The following NECTIN1 variants were observed in gnomAD, a reference collection of about 807,000 sequenced individuals.
NECTIN1 encodes the protein nectin-1.
A neutral mutation model predicts 48.0 loss-of-function variants in NECTIN1; 23 were observed. The ratio of observed to expected loss-of-function variants is 0.48; its 90% CI spans 0.34 to 0.68. The LOEUF (loss-of-function observed/expected upper bound fraction) is 0.68, where lower values mean the gene tolerates loss of function less well. Among genes scored for constraint, NECTIN1 ranks in the 30% least tolerant of loss-of-function variants. The pLI is 0.01. For missense variants in NECTIN1, 591 were observed against 709.9 expected (o/e 0.83, Z 1.90); for synonymous variants, 270 against 288.9 (o/e 0.93, Z 0.66).
Position 119,677,631 on chromosome 11 carries a change from G to A in NECTIN1, c.657C>T (p.Ala219=). Reference sequence around the variant, plus strand: ...CGATGCAGGCCAAGGACTGCTGGTGGGCTTCCCTGCTGGGCACCAGGCGGT... The same window carrying A: ...CGATGCAGGCCAAGGACTGCTGGTGAGCTTCCCTGCTGGGCACCAGGCGGT... The part of the protein sequence containing the change: ...SRYRLVPSRE[A]HQQSLACIVN... Residue 219 remains alanine (A), a synonymous_variant, in exon 3 of 6, where the codon GCC becomes GCT. Transcript: ENST00000264025. This position sits in a 1 kb window ranked among gnomAD's most constrained non-coding sequence, Gnocchi z 5.4. The A allele has an allele frequency of 6.2e-7, 1 of 1,613,856 alleles. No homozygotes were observed. Among genetic ancestry groups the A allele is most frequent in the Non-Finnish European group, 8.5e-7 (1 of 1,180,020 alleles).
Position 119,665,262 on chromosome 11 carries a change from GC to G in NECTIN1, c.1038del (p.Arg347GlyfsTer22). 6.3e-7 allele frequency: 1 copy of G among 1,596,520 alleles called. No individual in the cohort carries two copies. The highest frequency in any genetic ancestry group is 1.7e-5 in the Admixed American group (1 of 59,800). ...FPYTPSPPEHGRRAGPVPTAI... is the reference protein window; with the variant it reads ...FPYTPSPPEHXRRAGPVPTAI... ...GCCGTGGGCACCGGCCCGGCGCGCC[GC>G]CCATGTTCGGGAGGAGACGGGGTGT... On this transcript the variant is annotated frameshift_variant, in exon 6 of 6. Coordinates refer to ENST00000264025, the MANE Select transcript of NECTIN1 (RefSeq NM_002855.5). LOFTEE classifies it high-confidence loss of function. This position sits in a 1 kb window ranked among gnomAD's most constrained non-coding sequence, Gnocchi z 5.1.
chr11:119,708,525 C>T (rs1287842556), intron 1 of NECTIN1, among the ~76,000 whole-genome samples: 10 of 147,578 alleles, frequency 6.8e-5, no homozygotes, highest in African/African-American at 2.5e-4. Flanking sequence ...CACAAAAGGC[C>T]ACATACTGTA....
intron 1 of NECTIN1, among the ~76,000 whole-genome samples, chr11:119,700,024 C>T (rs987845579): frequency 2.0e-5 from 3 of 152,322 alleles, no homozygotes; most frequent in Admixed American, 1.3e-4. Context: ...ACTGTGGAGC[C>T]GGAACTGTGT....
chr11:119,648,277 ATGGTGGTGGTGATGGTGG>A lies in NECTIN1; in HGVS notation c.1004-8283_1004-8266del, dbSNP rs1283839515. Among the ~76,000 whole-genome samples the A allele has an allele frequency of 4.0e-4, 10 of 25,042 alleles. 1 individual carries two copies. Among genetic ancestry groups the A allele is most frequent in the African/African-American group, 1.2e-3 (6 of 4,848 alleles). 16.4% of individuals were successfully genotyped at this position (25,042 alleles called of 152,430 possible). A position where few individuals can be genotyped will look rare whatever the true frequency, so the allele number is the denominator to read the frequency against. The stretch of plus-strand genomic sequence containing the variant: ...AGAGGTGGTAATAGTGGTGGTGGTG[ATGGTGGTGGTGATGGTGG>A]TGGTGGTGGTGATGGTGGTGATGGT... On this transcript the variant is annotated intron_variant, in intron 5 of 7. Transcript: ENST00000341398.
chr11:119,723,638 C>T (rs143820102), intron 1 of NECTIN1, among the ~76,000 whole-genome samples: 191 of 152,318 alleles, frequency 1.3e-3, no homozygotes, highest in African/African-American at 3.4e-3. Flanking sequence ...ACACTGAGTT[C>T]ATCTCTCCTT....
intron 5 of NECTIN1, among the ~76,000 whole-genome samples, chr11:119,646,352 T>C (rs1266768945): frequency 1.3e-5 from 2 of 152,194 alleles, no homozygotes; most frequent in African/African-American, 4.8e-5. Context: ...ATAGTCAATA[T>C]GTAATACGTG....
At chr11:119,697,209 AG>A (rs1216910038) in intron 1 of NECTIN1, among the ~76,000 whole-genome samples, 1 of 152,058 alleles carries the variant, frequency 6.6e-6, no homozygotes, top group Non-Finnish European at 1.5e-5. Context: ...CAGCCGAGAG[AG>A]GGGGGTAGGG....
chr11:119,638,174 G>C (rs1440287363), exon 8 of NECTIN1: 3 of 1,614,028 alleles, frequency 1.9e-6, no homozygotes, highest in South Asian at 1.1e-5. Flanking sequence ...ATCATAGTAG[G>C]GGGGCTGCAG....
intron 1 of NECTIN1, among the ~76,000 whole-genome samples, chr11:119,715,703 C>A (rs750834959): frequency 6.6e-6 from 1 of 152,042 alleles, no homozygotes; most frequent in South Asian, 2.1e-4. Flanking sequence ...GAATGCAGGC[C>A]CCTGCCTAGT....
At chr11:119,699,949 C>G (rs1865415888) in intron 1 of NECTIN1, among the ~76,000 whole-genome samples, 1 of 152,196 alleles carries the variant, frequency 6.6e-6, no homozygotes, top group Non-Finnish European at 1.5e-5. Flanking sequence ...TCTGTTCCCC[C>G]TCTTAAAGTG....
rs1166075014 is a variant in NECTIN1 at position 119,664,157 on chromosome 11, A to G, written c.*590T>C. ...CTGCCCAAGGCCCCGCTTAACAAAC[A>G]AGACTCCCTGGGAACTGGGGAGAAG... On this transcript the variant is annotated 3_prime_UTR_variant, in exon 6 of 6. Coordinates refer to ENST00000264025, the MANE Select transcript of NECTIN1 (RefSeq NM_002855.5). 2 of 986,276 alleles carry G rather than the reference A, an allele frequency of 2.0e-6. No individual in the cohort carries two copies. The highest frequency in any genetic ancestry group is 3.5e-5 in the African/African-American group (2 of 57,334). 61.1% of individuals were successfully genotyped at this position (986,276 alleles called of 1,614,324 possible).
At position 119,665,415 on chromosome 11, in the gene NECTIN1, G is replaced by A. The variant is rs756747959; in HGVS notation, c.1004-118C>T. The A allele has an allele frequency of 1.3e-4, 184 of 1,446,764 alleles. 1 individual carries two copies. Among genetic ancestry groups the A allele is most frequent in the Non-Finnish European group, 5.4e-5 (60 of 1,103,204 alleles). 89.6% of individuals were successfully genotyped at this position (1,446,764 alleles called of 1,614,324 possible). On this transcript the variant is annotated intron_variant, in intron 5 of 5. Coordinates refer to ENST00000264025, the MANE Select transcript of NECTIN1 (RefSeq NM_002855.5). This position sits in a 1 kb window ranked among gnomAD's most constrained non-coding sequence, Gnocchi z 5.1. ...GAAGGACAGGCTGTCTGCACCCCAG[G>A]TTTGAGCAGCTCCAGTTCGAGGCCC... is the stretch of plus-strand genomic sequence containing the variant.
At chr11:119,666,535 C>T (rs1424445914) in intron 5 of NECTIN1, among the ~76,000 whole-genome samples, 2 of 152,194 alleles carry the variant, frequency 1.3e-5, no homozygotes, top group Non-Finnish European at 2.9e-5. Flanking sequence ...TAAGGTGAGG[C>T]TAAGGGAAAT....
chr11:119,677,372 G>C lies in NECTIN1; in HGVS notation c.734-153C>G, dbSNP rs574478623. Among the ~76,000 whole-genome samples the C allele has an allele frequency of 6.6e-6, 1 of 152,002 alleles. No homozygotes were observed. The highest frequency in any genetic ancestry group is 1.5e-5 in the Non-Finnish European group (1 of 67,984). ...TGGGAGGGTGGCAATCACAGAGCCC[G>C]GGAGTGGAAACAGGAGGGCGACAGG... On this transcript the variant is annotated intron_variant, in intron 3 of 5. Coordinates refer to ENST00000264025, the MANE Select transcript of NECTIN1 (RefSeq NM_002855.5). This position sits in a 1 kb window ranked among gnomAD's most constrained non-coding sequence, Gnocchi z 5.4.
Position 119,662,728 on chromosome 11 carries a change from G to T in NECTIN1, c.*2019C>A. On this transcript the variant is annotated 3_prime_UTR_variant, in exon 6 of 6. Coordinates refer to ENST00000264025, the MANE Select transcript of NECTIN1 (RefSeq NM_002855.5). The surrounding 1 kb of genome is among the most constrained non-coding windows in gnomAD (Gnocchi z 5.3). ...ATGTGGAAAAGGTCCCCTGTCCTGGGGGACACTAATACTGCTGGGAAAAGC... is the reference window on the plus strand; with the variant it reads ...ATGTGGAAAAGGTCCCCTGTCCTGGTGGACACTAATACTGCTGGGAAAAGC... The T allele has an allele frequency of 1.0e-6, 1 of 984,688 alleles. No homozygotes were observed. Among genetic ancestry groups the T allele is most frequent in the Non-Finnish European group, 1.2e-6 (1 of 830,074 alleles). The allele number at this position is 984,688 out of a possible 1,614,324, so 61.0% of individuals were successfully genotyped here.
chr11:119,697,235 G>T (rs1296441071), intron 1 of NECTIN1, among the ~76,000 whole-genome samples: 1 of 152,036 alleles, frequency 6.6e-6, no homozygotes, highest in Non-Finnish European at 1.5e-5. Context: ...GCAAGGGCTT[G>T]CGCTTTATTA....
intron 1 of NECTIN1, among the ~76,000 whole-genome samples, chr11:119,711,224 T>C (rs550445821): frequency 6.6e-6 from 1 of 152,208 alleles, no homozygotes; most frequent in East Asian, 1.9e-4. Flanking sequence ...ACCCTATCTC[T>C]ATTAAAAATA....
intron 5 of NECTIN1, chr11:119,674,628 A>T (rs1384745985): frequency 6.2e-7 from 1 of 1,614,062 alleles, no homozygotes; most frequent in Non-Finnish European, 8.5e-7. Flanking sequence ...CTTTGCCCGG[A>T]TAGATAAGTT....
chr11:119,703,086 A>G (rs1865484656), intron 1 of NECTIN1, among the ~76,000 whole-genome samples: 1 of 152,228 alleles, frequency 6.6e-6, no homozygotes, highest in South Asian at 2.1e-4. Context: ...TTTTGCTCAA[A>G]GCTGATGCCC....
Sources: allele counts gnomAD v4.1 joint callset (sites outside exome capture counted in the v4.1 genomes callset), GRCh38; gene constraint gnomAD v4.1.1; non-coding constraint Gnocchi (gnomAD v3.1); transcripts MANE v1.5; gene names NCBI Gene and HGNC (gene_info 2026-07-23, HGNC 2026-07-21).